Variants in PALLD observed in about 807,000 individuals in gnomAD.
PALLD encodes palladin, cytoskeletal associated protein.
A neutral mutation model predicts 123.5 loss-of-function variants in PALLD; 61 were observed. The ratio of observed to expected loss-of-function variants is 0.49; its 90% CI spans 0.40 to 0.61. PALLD has a LOEUF of 0.61. Ranked by LOEUF, PALLD falls within the 20% of genes least tolerant of loss-of-function variation. PALLD has a pLI of 0.00. For synonymous variants in PALLD, 465 were observed against 496.4 expected, an observed-to-expected ratio of 0.94 and a Z score of 0.84; for missense variants, 1,273 against 1,377.0, an observed-to-expected ratio of 0.92 and a Z score of 1.20.
At chr4:168,803,366 A>C (rs1283259742) in intron 10 of PALLD, among the ~76,000 whole-genome samples, 3 of 152,140 alleles carry the variant, frequency 2.0e-5, no homozygotes, top group Non-Finnish European at 2.9e-5. Context: ...TGAGAACAGC[A>C]AGGAGGATAC....
intron 10 of PALLD, among the ~76,000 whole-genome samples, chr4:168,746,293 A>G (rs1730282571): frequency 6.8e-6 from 1 of 145,986 alleles, no homozygotes; most frequent in African/African-American, 2.5e-5. Flanking sequence ...AGGCAGGAGA[A>G]TGGCGTGAAC....
chr4:168,892,139 CTTTTAAAATACTCTTTTCT>C (rs926903176), intron 11 of PALLD, among the ~76,000 whole-genome samples: 8 of 152,078 alleles, frequency 5.3e-5, no homozygotes, highest in Non-Finnish European at 8.8e-5. Context: ...TGATGCTATC[CTTTTAAAATACTCTTTTCT>C]TTTTAAAATA....
intron 10 of PALLD, among the ~76,000 whole-genome samples, chr4:168,877,026 C>T (rs529220261): frequency 3.3e-5 from 5 of 152,256 alleles, no homozygotes; most frequent in African/African-American, 1.2e-4. Flanking sequence ...AAAATTTTTG[C>T]TATTGTTTAT....
chr4:168,635,712 A>G (rs1191537312), intron 2 of PALLD, among the ~76,000 whole-genome samples: 1 of 152,188 alleles, frequency 6.6e-6, no homozygotes, highest in African/African-American at 2.4e-5. Context: ...CATGACTGTG[A>G]TGTAATGGAA....
At chr4:168,696,006 A>C (rs909987683) in intron 8 of PALLD, among the ~76,000 whole-genome samples, 2 of 152,012 alleles carry the variant, frequency 1.3e-5, no homozygotes, top group African/African-American at 4.8e-5. Flanking sequence ...GTCACATATA[A>C]AATACACTAA....
At chr4:168,574,124 C>T (rs1341198209) in intron 2 of PALLD, among the ~76,000 whole-genome samples, 1 of 152,030 alleles carries the variant, frequency 6.6e-6, no homozygotes, top group African/African-American at 2.4e-5. Flanking sequence ...TGAGAAGCAT[C>T]AGACACTTAT....
intron 10 of PALLD, among the ~76,000 whole-genome samples, chr4:168,784,677 G>A (rs1194733774): frequency 6.6e-6 from 1 of 152,202 alleles, no homozygotes; most frequent in Non-Finnish European, 1.5e-5. Flanking sequence ...GAGACAAACT[G>A]CTGCTGTCAA....
At chr4:168,848,103 G>T (rs1457823159) in intron 10 of PALLD, among the ~76,000 whole-genome samples, 1 of 151,986 alleles carries the variant, frequency 6.6e-6, no homozygotes, top group Admixed American at 6.5e-5. Flanking sequence ...TGGTCCTCAG[G>T]TGGTGACTGA....
At position 168,687,336 on chromosome 4, in the gene PALLD, G is replaced by C. The variant is rs147990833; in HGVS notation, c.1335+1777G>C. ...TAAAAAAGAAGTTATGTAAAACCCT[G>C]CCTAAAACCATGTCAATCTGATAAC... On this transcript the variant is annotated intron_variant, in intron 6 of 21. Coordinates refer to ENST00000505667, the MANE Select transcript of PALLD (RefSeq NM_001166108.2). 2.0e-5 allele frequency among the ~76,000 whole-genome samples: 3 copies of C among 152,314 alleles called. No homozygotes were observed. The East Asian group carries it at 5.8e-4, about 29-fold the overall frequency.
intron 2 of PALLD, among the ~76,000 whole-genome samples, chr4:168,548,797 G>A (rs1030129411): frequency 6.6e-6 from 1 of 152,192 alleles, no homozygotes; most frequent in African/African-American, 2.4e-5. Context: ...TACCGTAAAT[G>A]ATTTTATTCT....
chr4:168,712,787 A>G (rs183992431), intron 10 of PALLD, among the ~76,000 whole-genome samples: 9 of 152,198 alleles, frequency 5.9e-5, no homozygotes, highest in Admixed American at 4.6e-4. Flanking sequence ...AGCCCCTTCT[A>G]TTTACCCATA....
At chr4:168,749,979 C>A (rs1391678186) in intron 10 of PALLD, among the ~76,000 whole-genome samples, 2 of 150,710 alleles carry the variant, frequency 1.3e-5, no homozygotes, top group Non-Finnish European at 2.9e-5. Context: ...TGGAGTCTCG[C>A]TCTGTCACCC....
At chr4:168,753,462 T>C (rs13121112) in intron 10 of PALLD, among the ~76,000 whole-genome samples, 71,337 of 150,818 alleles carry the variant, frequency 0.47, 17,125 homozygotes, top group South Asian at 0.61. Context: ...CCATACCAAC[T>C]CCGCCCTAGC....
intron 10 of PALLD, among the ~76,000 whole-genome samples, chr4:168,761,641 G>GTTTTTTTTTTTTTTTTTTTTTTTTTTTT (rs1230404942): frequency 2.6e-4 from 3 of 11,638 alleles, no homozygotes; most frequent in Middle Eastern, 0.045. Context: ...TGTTGTTGTT[G>GTTTTTTTTTTTTTTTTTTTTTTTTTTTT]TTTGTTTTTT....
intron 15 of PALLD, chr4:168,904,241 G>T: frequency 3.5e-6 from 1 of 285,014 alleles, no homozygotes; most frequent in Non-Finnish European, 6.9e-6. Context: ...TATAACTTCA[G>T]GTAGGATTAC....
chr4:168,916,530 T>A (rs1216132686), intron 17 of PALLD, among the ~76,000 whole-genome samples: 1 of 152,146 alleles, frequency 6.6e-6, no homozygotes, highest in Non-Finnish European at 1.5e-5. Context: ...GAACCCTACA[T>A]GACATTACTC....
intron 2 of PALLD, among the ~76,000 whole-genome samples, chr4:168,528,415 T>C (rs1437743818): frequency 6.6e-6 from 1 of 152,272 alleles, no homozygotes; most frequent in African/African-American, 2.4e-5. Context: ...ACATTTGATG[T>C]TGTAAGTGGA....
chr4:168,925,061 C>A lies in PALLD; in HGVS notation c.3341C>A (p.Ala1114Asp). ...KNEAGIVSCT[A>D]RLDVYISRH ...GAAGCAGGGATTGTGTCCTGTACTG[C>A]CAGGCTGGACGTTTACAGTGAGTGC... The change falls in exon 20 of 22, where the codon GCC becomes GAC. Residue 1114 changes from alanine (A) to aspartate (D), a missense_variant. This residue lies in a region of PALLD where 329 missense variants were observed against 422.5 expected (regional missense o/e 0.78). Transcript: ENST00000505667. The A allele has an allele frequency of 6.2e-7, 1 of 1,614,018 alleles. No homozygotes were observed.
intron 2 of PALLD, among the ~76,000 whole-genome samples, chr4:168,541,501 T>C (rs1412962527): frequency 1.3e-5 from 2 of 151,594 alleles, no homozygotes; most frequent in Non-Finnish European, 2.9e-5. Flanking sequence ...GTTGAGACAG[T>C]CTTACTCTGT....
Sources: gnomAD v4.1 joint callset for allele counts (sites outside exome capture counted in the v4.1 genomes callset) on GRCh38, gnomAD v4.1.1 for gene constraint, gnomAD v4.1.1 regional missense constraint, MANE v1.5 for transcripts, NCBI Gene and HGNC (gene_info 2026-07-23, HGNC 2026-07-21) for gene names.